Variants in ANAPC1 observed in about 807,000 individuals in gnomAD.
ANAPC1 encodes the protein anaphase promoting complex subunit 1, also known as anaphase-promoting complex subunit 1.
Under a neutral mutation model 208.0 loss-of-function variants are expected in ANAPC1, and 36 were observed. That is an observed-to-expected ratio of 0.17 (90% CI 0.13 to 0.23). ANAPC1 has a LOEUF of 0.23. Ranked by LOEUF, ANAPC1 falls within the 10% of genes least tolerant of loss-of-function variation. ANAPC1 has a pLI of 1.00. For synonymous variants in ANAPC1, 378 were observed against 695.2 expected (o/e 0.54, Z 7.18); for missense variants, 942 against 2,011.6 (o/e 0.47, Z 10.17).
At position 111,846,116 on chromosome 2, in the gene ANAPC1, T is replaced by G. The variant is rs113401001; in HGVS notation, c.1852+1022A>C. Among the ~76,000 whole-genome samples, 191 of 152,190 alleles carry G rather than the reference T, an allele frequency of 1.3e-3. 2 individuals carry two copies. The East Asian group carries it at 0.021, about 17-fold the overall frequency. On this transcript the variant is annotated intron_variant, in intron 16 of 47. Transcript: ENST00000341068. ...ATCTGCCAATGTCCTGCTTTGGCAG[T>G]TAGATTTGAAACCAAGATATGTCAT... is the stretch of plus-strand genomic sequence containing the variant.
intron 17 of ANAPC1, among the ~76,000 whole-genome samples, chr2:111,839,478 G>A (rs1263031376): frequency 4.6e-5 from 7 of 152,044 alleles, no homozygotes; most frequent in Admixed American, 3.9e-4. Context: ...CTCTATAAAT[G>A]GCAATGGCTA....
intron 20 of ANAPC1, among the ~76,000 whole-genome samples, 169 bp from the exon 21 acceptor site, chr2:111,831,603 G>C (rs982445070): frequency 2.0e-5 from 3 of 151,896 alleles, no homozygotes; most frequent in African/African-American, 7.3e-5. Flanking sequence ...ACTTTGGGAG[G>C]CCCAAGCAGG....
chr2:111,879,510 T>C (rs1006255105), intron 2 of ANAPC1, among the ~76,000 whole-genome samples: 3 of 152,194 alleles, frequency 2.0e-5, no homozygotes, highest in African/African-American at 4.8e-5. Flanking sequence ...CAAAGGGATA[T>C]GACAATGGAA....
At chr2:111,815,979 C>T (rs1355313130) in intron 27 of ANAPC1, among the ~76,000 whole-genome samples, 1 of 152,144 alleles carries the variant, frequency 6.6e-6, no homozygotes, top group African/African-American at 2.4e-5. Context: ...AGCTTAAAAA[C>T]CAAAATGAAG....
chr2:111,832,171 T>C (rs1196178905), intron 20 of ANAPC1, among the ~76,000 whole-genome samples: 2 of 151,560 alleles, frequency 1.3e-5, no homozygotes, highest in Admixed American at 1.3e-4. Context: ...CACACACCTG[T>C]AACCCCAGGC....
intron 35 of ANAPC1, among the ~76,000 whole-genome samples, chr2:111,794,569 A>T (rs1355724198): frequency 6.6e-6 from 1 of 152,186 alleles, no homozygotes; most frequent in South Asian, 2.1e-4. Context: ...AATTGTTGCC[A>T]ATTTCTTTAA....
Position 111,784,338 on chromosome 2 carries a change from G to T in ANAPC1, c.4980C>A (p.Leu1660=), listed in dbSNP as rs1677442215. 1 of 1,613,856 alleles carries T rather than the reference G, an allele frequency of 6.2e-7. No individual in the cohort carries two copies. The highest frequency in any genetic ancestry group is 1.3e-5 in the African/African-American group (1 of 74,926). Residue 1660 remains leucine (L), a synonymous_variant, in exon 41 of 48, where the codon CTC becomes CTA. Transcript: ENST00000341068. ...ELMAPTLLPE[L]HLLKQIKVKG... Reference sequence around the variant, plus strand: ...CCCAGCTTACCTGCTTTAAAAGATGGAGTTCTGGAAGAAGGGTAGGAGCCA... The same window carrying T: ...CCCAGCTTACCTGCTTTAAAAGATGTAGTTCTGGAAGAAGGGTAGGAGCCA...
chr2:111,867,010 T>C (rs868828154), intron 7 of ANAPC1, among the ~76,000 whole-genome samples: 51 of 151,960 alleles, frequency 3.4e-4, no homozygotes, highest in South Asian at 2.1e-3. Context: ...ACCATTCTTA[T>C]GTTGGGTGCG....
intron 13 of ANAPC1, among the ~76,000 whole-genome samples, chr2:111,854,893 T>C (rs1681614481): frequency 6.6e-6 from 1 of 152,176 alleles, no homozygotes; most frequent in Admixed American, 6.5e-5. Context: ...TTCACTGAAA[T>C]AGCACTTTTA....
intron 34 of ANAPC1, chr2:111,795,106 A>G (rs1163948702): frequency 2.6e-6 from 1 of 383,534 alleles, no homozygotes; most frequent in East Asian, 5.3e-5. Flanking sequence ...AATTAAGGGC[A>G]GGCATGGTGG....
At chr2:111,874,824 A>T (rs1407163123) in intron 3 of ANAPC1, among the ~76,000 whole-genome samples, 4 of 152,122 alleles carry the variant, frequency 2.6e-5, no homozygotes. Context: ...TCTAAGTATA[A>T]CTTTTCTTTC....
chr2:111,770,597 C>G (rs1006309456), intron 47 of ANAPC1, among the ~76,000 whole-genome samples: 1 of 149,206 alleles, frequency 6.7e-6, no homozygotes, highest in Non-Finnish European at 1.5e-5. Context: ...CCACATGTCT[C>G]TTGTACTCTT....
chr2:111,802,461 C>G lies in ANAPC1; in HGVS notation c.4188G>C (p.Leu1396Phe). 1 of 984,546 alleles carries G rather than the reference C, an allele frequency of 1.0e-6. No homozygotes were observed. The highest frequency in any genetic ancestry group is 1.6e-6 in the Non-Finnish European group (1 of 628,610). The allele number at this position is 984,546 out of a possible 1,614,324, so 61.0% of individuals were successfully genotyped here. A position where few individuals can be genotyped will look rare whatever the true frequency, so the allele number is the denominator to read the frequency against. ...WLRAPDTMYL[L>F]DFVKPEFLLL... is the part of the protein sequence containing the mutation. ...AGAGAAATTCTGGCTTCACAAAGTC[C>G]AACAAATACATGGTGTCAGGGGCTC... The change falls in exon 33 of 48, where the codon TTG (leucine) becomes TTC (phenylalanine). Residue 1396 changes from leucine (L) to phenylalanine (F), a missense_variant. Coordinates refer to ENST00000341068, the MANE Select transcript of ANAPC1 (RefSeq NM_022662.4).
intron 16 of ANAPC1, among the ~76,000 whole-genome samples, chr2:111,846,027 C>T (rs1681043996): frequency 6.7e-6 from 1 of 149,588 alleles, no homozygotes; most frequent in Admixed American, 6.7e-5. Flanking sequence ...ATCTCTATAT[C>T]AACTTGGAAT....
At chr2:111,865,538 A>T (rs1682355861) in intron 7 of ANAPC1, among the ~76,000 whole-genome samples, 1 of 152,242 alleles carries the variant, frequency 6.6e-6, no homozygotes, top group African/African-American at 2.4e-5. Flanking sequence ...ATTTTAAAAT[A>T]TGATTCTATA....
intron 46 of ANAPC1, among the ~76,000 whole-genome samples, chr2:111,773,557 A>C (rs1185104654): frequency 6.6e-6 from 1 of 152,110 alleles, no homozygotes; most frequent in Non-Finnish European, 1.5e-5. Context: ...TTGATACAGA[A>C]AAAAGGTAGA....
At chr2:111,849,218 C>T (rs1681258460) in intron 14 of ANAPC1, among the ~76,000 whole-genome samples, 1 of 152,206 alleles carries the variant, frequency 6.6e-6, no homozygotes, top group South Asian at 2.1e-4. Flanking sequence ...AGTGGAAAAG[C>T]CATCAATCAG....
At position 111,788,243 on chromosome 2, in the gene ANAPC1, G is replaced by C. The variant is rs1206268498; in HGVS notation, c.4790C>G (p.Thr1597Ser). The change falls in exon 39 of 48, where the codon ACT becomes AGT. Residue 1597 changes from threonine to serine, a missense_variant. Thr to Ser is a moderately conservative substitution (Grantham distance 58, BLOSUM62 1). Coordinates refer to ENST00000341068, the MANE Select transcript of ANAPC1 (RefSeq NM_022662.4). Reference sequence around the variant, plus strand: ...GAATCACTAGACTCACCGGTTGTCAGTGCTGTGAGCTGGGAAGTGCGGATA... The same window carrying C: ...GAATCACTAGACTCACCGGTTGTCACTGCTGTGAGCTGGGAAGTGCGGATA... ...ALYPHFPAHSTDNRYHLQALR... is the reference protein window; with the variant it reads ...ALYPHFPAHSSDNRYHLQALR... The C allele has an allele frequency of 6.2e-7, 1 of 1,613,192 alleles. No homozygotes were observed. Among genetic ancestry groups the C allele is most frequent in the African/African-American group, 1.3e-5 (1 of 74,900 alleles).
intron 16 of ANAPC1, among the ~76,000 whole-genome samples, chr2:111,845,780 C>T (rs1246492079): frequency 5.3e-5 from 8 of 152,032 alleles, no homozygotes; most frequent in African/African-American, 1.9e-4. Context: ...CGAGACTATC[C>T]TGGCTAACAC....
Sources: allele counts gnomAD v4.1 joint callset (sites outside exome capture counted in the v4.1 genomes callset), GRCh38; gene constraint gnomAD v4.1.1; transcripts MANE v1.5; gene names NCBI Gene and HGNC (gene_info 2026-07-23, HGNC 2026-07-21).